SEMA6A: variants seen among roughly 807,000 people sequenced by gnomAD.
The protein encoded by SEMA6A is semaphorin-6A.
A neutral mutation model predicts 96.8 loss-of-function variants in SEMA6A; 25 were observed. The observed-to-expected ratio is 0.26, with a 90% CI of 0.19 to 0.36. The LOEUF (loss-of-function observed/expected upper bound fraction) is 0.36, where lower values mean the gene tolerates loss of function less well. Ranked by LOEUF, SEMA6A falls within the 10% of genes least tolerant of loss-of-function variation. The probability of loss-of-function intolerance (pLI) is 1.00; values close to 1 mark genes in which losing one functional copy is unlikely to be tolerated. For missense variants in SEMA6A, 1,363 were observed against 1,323.1 expected (o/e 1.03, Z -0.47); for synonymous variants, 612 against 518.0 (o/e 1.18, Z -2.46).
intron 6 of SEMA6A, among the ~76,000 whole-genome samples, chr5:116,493,462 T>C (rs1444367544): frequency 6.6e-6 from 1 of 152,208 alleles, no homozygotes; most frequent in South Asian, 2.1e-4. Context: ...TGATCTTTGG[T>C]TTATGACAGA....
At chr5:116,571,515 G>T (rs547118666) in intron 1 of SEMA6A, among the ~76,000 whole-genome samples, 55 of 152,114 alleles carry the variant, frequency 3.6e-4, no homozygotes, top group Non-Finnish European at 6.5e-4. Flanking sequence ...TTTGATGTTC[G>T]TTCTTTTCTG....
chr5:116,493,199 G>A (rs1165437320), intron 6 of SEMA6A, among the ~76,000 whole-genome samples: 1 of 152,136 alleles, frequency 6.6e-6, no homozygotes, highest in Non-Finnish European at 1.5e-5. Context: ...ACCATTCATG[G>A]CCTGTATATT....
chr5:116,525,500 C>G (rs1759180726), intron 1 of SEMA6A, among the ~76,000 whole-genome samples: 1 of 152,144 alleles, frequency 6.6e-6, no homozygotes, highest in South Asian at 2.1e-4. Context: ...ATACTTGTTT[C>G]CTATACCTAT....
chr5:116,544,865 G>A (rs1190342176), intron 1 of SEMA6A, among the ~76,000 whole-genome samples: 1 of 152,208 alleles, frequency 6.6e-6, no homozygotes, highest in East Asian at 1.9e-4. Flanking sequence ...ATGTCAGTAT[G>A]TTCAGCTGTC....
chr5:116,475,544 C>T lies in SEMA6A; in HGVS notation c.1708+1G>A. On this transcript the variant is annotated splice_donor_variant, in intron 16 of 18. Transcript: ENST00000343348. LOFTEE classifies it high-confidence loss of function. ...AAAAATGGATAAAAGACTGTACTTA[C>T]TGTGACAGTCCCCCAGACCATCTGT... The T allele has an allele frequency of 6.3e-7, 1 of 1,595,628 alleles. No homozygotes were observed. The highest frequency in any genetic ancestry group is 8.5e-7 in the Non-Finnish European group (1 of 1,169,758).
intron 18 of SEMA6A, among the ~76,000 whole-genome samples, chr5:116,450,023 T>A (rs1217289059): frequency 6.6e-6 from 1 of 152,248 alleles, no homozygotes; most frequent in Non-Finnish European, 1.5e-5. Flanking sequence ...GGAAATGTGC[T>A]AATGAAAATT....
intron 1 of SEMA6A, 43 bp from the exon 2 acceptor site, chr5:116,505,025 G>C (rs1174778949): frequency 1.0e-5 from 9 of 893,844 alleles, no homozygotes; most frequent in African/African-American, 1.7e-5. Flanking sequence ...AGTCAGCTTT[G>C]TTCAATGCCA....
chr5:116,484,121 C>T (rs1029731385), intron 10 of SEMA6A, among the ~76,000 whole-genome samples: 1 of 150,616 alleles, frequency 6.6e-6, no homozygotes. Context: ...AATTTCAGAA[C>T]CTTTGCATTA....
chr5:116,485,573 A>G (rs951672350), intron 10 of SEMA6A, among the ~76,000 whole-genome samples: 2 of 152,220 alleles, frequency 1.3e-5, no homozygotes, highest in African/African-American at 4.8e-5. Context: ...CATCCGCTGT[A>G]TAATTGAGGA....
At chr5:116,550,109 A>G (rs1462383901) in intron 1 of SEMA6A, 1 of 152,198 alleles carries the variant, frequency 6.6e-6, no homozygotes, top group Non-Finnish European at 1.5e-5. Context: ...AGGCACTTTA[A>G]ATCACAGTCA....
At chr5:116,525,567 T>G (rs1350385434) in intron 1 of SEMA6A, among the ~76,000 whole-genome samples, 1 of 152,182 alleles carries the variant, frequency 6.6e-6, no homozygotes, top group African/African-American at 2.4e-5. Context: ...TTTCCCCCTG[T>G]CCTCAAAACT....
At chr5:116,477,458 A>G (rs937531783) in intron 15 of SEMA6A, among the ~76,000 whole-genome samples, 2 of 152,234 alleles carry the variant, frequency 1.3e-5, no homozygotes, top group African/African-American at 4.8e-5. Flanking sequence ...TGCACAGTCA[A>G]TTACAAAAGC....
intron 1 of SEMA6A, among the ~76,000 whole-genome samples, chr5:116,528,446 A>G (rs1332016117): frequency 1.3e-5 from 2 of 152,180 alleles, no homozygotes; most frequent in African/African-American, 4.8e-5. Flanking sequence ...GATTGTCAGG[A>G]GAGCCAGCTC....
intron 1 of SEMA6A, among the ~76,000 whole-genome samples, chr5:116,513,095 G>A (rs1188085420): frequency 6.6e-6 from 1 of 151,904 alleles, no homozygotes; most frequent in Non-Finnish European, 1.5e-5. Flanking sequence ...TCACATCAGG[G>A]TAAATGGGGC....
At chr5:116,460,688 C>T (rs1471240555) in intron 18 of SEMA6A, among the ~76,000 whole-genome samples, 18 of 152,104 alleles carry the variant, frequency 1.2e-4, no homozygotes, top group Admixed American at 1.2e-3. Flanking sequence ...TGCCTAGCAA[C>T]CCTACTCTTC....
chr5:116,479,101 C>T (rs1756621175), intron 12 of SEMA6A, among the ~76,000 whole-genome samples: 1 of 152,174 alleles, frequency 6.6e-6, no homozygotes, highest in African/African-American at 2.4e-5. Context: ...TTTAATTTAA[C>T]ATTGAAAAGC....
At chr5:116,497,876 T>C (rs1014986238) in intron 3 of SEMA6A, among the ~76,000 whole-genome samples, 1 of 152,226 alleles carries the variant, frequency 6.6e-6, no homozygotes, top group Non-Finnish European at 1.5e-5. Context: ...TGTGACTATT[T>C]GATCGACAGG....
At chr5:116,518,205 T>C (rs1164793575) in intron 1 of SEMA6A, among the ~76,000 whole-genome samples, 1 of 152,206 alleles carries the variant, frequency 6.6e-6, no homozygotes, top group African/African-American at 2.4e-5. Flanking sequence ...GACTCTCCTA[T>C]TCCTCTCTGA....
chr5:116,504,850 C>A lies in SEMA6A; in HGVS notation c.95G>T (p.Gly32Val). ...EDSEPISISHGNYTKQYPVFV... is the reference protein window; with the variant it reads ...EDSEPISISHVNYTKQYPVFV... Reference sequence around the variant, plus strand: ...GTGAGACCATGGGTACTTACAGTTGCCATGCGAAATACTGATTGGCTCAGA... The same window carrying A: ...GTGAGACCATGGGTACTTACAGTTGACATGCGAAATACTGATTGGCTCAGA... Residue 32 changes from glycine (G) to valine (V), a missense_variant, in exon 2 of 19, where the codon GGC becomes GTC. Coordinates refer to ENST00000343348, the MANE Select transcript of SEMA6A (RefSeq NM_020796.5). 6.3e-7 allele frequency: 1 copy of A among 1,595,974 alleles called. No individual in the cohort carries two copies. Among genetic ancestry groups the A allele is most frequent in the Non-Finnish European group, 8.5e-7 (1 of 1,170,632 alleles).
Sources: allele counts gnomAD v4.1 joint callset (sites outside exome capture counted in the v4.1 genomes callset), GRCh38; gene constraint gnomAD v4.1.1; transcripts MANE v1.5; gene names NCBI Gene and HGNC (gene_info 2026-07-23, HGNC 2026-07-21).